MICAL2: variants seen among roughly 807,000 people sequenced by gnomAD.
MICAL2 encodes the protein [F-actin]-monooxygenase MICAL2.
MICAL2 carries 77 observed loss-of-function variants against 127.3 expected under a neutral mutation model. The ratio of observed to expected loss-of-function variants is 0.60; its 90% confidence interval spans 0.50 to 0.73. MICAL2 has a LOEUF of 0.73. Ranked by LOEUF, MICAL2 falls within the 30% of genes least tolerant of loss-of-function variation. MICAL2 has a pLI of 0.00. For synonymous variants in MICAL2, 570 were observed against 551.1 expected (o/e 1.03, Z -0.48); for missense variants, 1,351 against 1,434.4 (o/e 0.94, Z 0.94).
chr11:12,239,305 G>C, intron 16 of MICAL2, 131 bp from the exon 17 acceptor site: 2 of 1,274,706 alleles, frequency 1.6e-6, no homozygotes. Flanking sequence ...TGCTGCCTCT[G>C]CCTCCCTTCC....
At chr11:12,258,582 G>A (rs770111512) in intron 25 of MICAL2, 26 bp downstream of exon 25, 2 of 1,599,192 alleles carry the variant, frequency 1.3e-6, no homozygotes, top group East Asian at 2.2e-5. Context: ...ACATGCTGGT[G>A]AAACGGGGAA....
chr11:12,349,210 T>C (rs571728164), intron 32 of MICAL2, among the ~76,000 whole-genome samples: 3 of 152,364 alleles, frequency 2.0e-5, no homozygotes, highest in South Asian at 4.1e-4. Flanking sequence ...TTTCTCGTGA[T>C]TCTTCTTCTG....
intron 7 of MICAL2, 127 bp from the exon 8 acceptor site, chr11:12,216,092 A>T: frequency 1.4e-6 from 1 of 692,164 alleles, no homozygotes; most frequent in Non-Finnish European, 2.5e-6. Flanking sequence ...TGTGTGCCTT[A>T]AAAACTGGTC....
At chr11:12,274,567 C>A (rs144472420), upstream of MICAL2, 3,359 of 152,346 alleles carry the variant, frequency 0.022, 62 homozygotes, top group Middle Eastern at 0.037. Context: ...TGAAGACAGC[C>A]AGTGAGTGAA....
At chr11:12,178,459 G>A (rs1030296150) in intron 3 of MICAL2, among the ~76,000 whole-genome samples, 1 of 151,942 alleles carries the variant, frequency 6.6e-6, no homozygotes, top group Non-Finnish European at 1.5e-5. Context: ...ATACATGTAA[G>A]GTATGGGGGT....
intron 1 of MICAL2, among the ~76,000 whole-genome samples, chr11:12,132,594 GCTGC>G (rs1851511535): frequency 6.6e-6 from 1 of 152,246 alleles, no homozygotes; most frequent in Non-Finnish European, 1.5e-5. Flanking sequence ...ATAGCCATTA[GCTGC>G]CAGCTGGGCG....
chr11:12,221,794 C>T (rs748391400), intron 10 of MICAL2, 35 bp downstream of exon 10: 3 of 1,557,522 alleles, frequency 1.9e-6, no homozygotes, highest in South Asian at 2.2e-5. Flanking sequence ...AACTGGGGGG[C>T]AGGGCACTCA....
intron 32 of MICAL2, among the ~76,000 whole-genome samples, chr11:12,337,596 T>A (rs1938789354): frequency 6.6e-6 from 1 of 152,224 alleles, no homozygotes; most frequent in Non-Finnish European, 1.5e-5. Flanking sequence ...CATTTAGTGC[T>A]ATAAATTTCC....
At chr11:12,249,692 C>G (rs1565249619) in intron 22 of MICAL2, among the ~76,000 whole-genome samples, 1 of 152,238 alleles carries the variant, frequency 6.6e-6, no homozygotes, top group Non-Finnish European at 1.5e-5. Context: ...TCTGCTCTCA[C>G]TGCTGCCTTA....
At position 12,162,121 on chromosome 11, in the gene MICAL2, C is replaced by A. The variant is rs746225231; in HGVS notation, c.-35C>A. ...ATACTTCATGCTGTTCACCTGTGTC[C>A]TCGCCGCACCACTGCCGCACACGAC... On this transcript the variant is annotated 5_prime_UTR_variant, in exon 3 of 28. Coordinates refer to ENST00000683283, the MANE Select transcript of MICAL2 (RefSeq NM_001282663.2). 3 of 1,612,864 alleles carry A rather than the reference C, an allele frequency of 1.9e-6. No individual in the cohort carries two copies. Among genetic ancestry groups the A allele is most frequent in the South Asian group, 1.1e-5 (1 of 90,966 alleles).
At chr11:12,259,754 A>G (rs1251644130) in intron 25 of MICAL2, 41 bp from the exon 26 acceptor site, 5 of 1,495,926 alleles carry the variant, frequency 3.3e-6, no homozygotes, top group Non-Finnish European at 4.5e-6. Context: ...GTCCTCTGGA[A>G]GACTTACAGA....
At chr11:12,125,340 G>A (rs543667591) in intron 1 of MICAL2, among the ~76,000 whole-genome samples, 5 of 152,262 alleles carry the variant, frequency 3.3e-5, no homozygotes, top group East Asian at 3.9e-4. Context: ...TGCAACCTCC[G>A]CCTCCTGGGT....
chr11:12,167,318 T>C (rs1306345263), intron 3 of MICAL2, among the ~76,000 whole-genome samples: 5 of 152,184 alleles, frequency 3.3e-5, no homozygotes, highest in East Asian at 1.9e-4. Context: ...TTTATGAGTA[T>C]GCAGCAGGGT....
intron 3 of MICAL2, among the ~76,000 whole-genome samples, chr11:12,171,081 G>A (rs772596438): frequency 2.6e-5 from 4 of 152,162 alleles, no homozygotes; most frequent in South Asian, 2.1e-4. Context: ...GTTTGCATCC[G>A]AGCATTCCTT....
At chr11:12,148,206 C>T (rs1853161093) in intron 2 of MICAL2, among the ~76,000 whole-genome samples, 1 of 152,122 alleles carries the variant, frequency 6.6e-6, no homozygotes, top group South Asian at 2.1e-4. Context: ...CTGTGAAGCT[C>T]CTAGGGGGCA....
At chr11:12,223,554 A>T in intron 12 of MICAL2, 53 bp downstream of exon 12, 2 of 1,494,836 alleles carry the variant, frequency 1.3e-6, no homozygotes, top group Non-Finnish European at 1.9e-6. Context: ...CTTTGAGGGG[A>T]GGAGGACTGC....
chr11:12,180,343 G>GTATATA (rs1454157793), intron 3 of MICAL2, among the ~76,000 whole-genome samples: 100 of 146,740 alleles, frequency 6.8e-4, no homozygotes, highest in Non-Finnish European at 2.2e-4. Flanking sequence ...ATGTATATAT[G>GTATATA]TATATATTTT....
At chr11:12,157,697 TA>T (rs35448001) in intron 2 of MICAL2, among the ~76,000 whole-genome samples, 79,232 of 147,500 alleles carry the variant, frequency 0.54, 21,842 homozygotes, top group Middle Eastern at 0.76. Flanking sequence ...GATCCTCTGA[TA>T]AAAAAAAAAA....
upstream of MICAL2, among the ~76,000 whole-genome samples, chr11:12,272,749 T>C (rs906181588): frequency 6.6e-6 from 1 of 152,178 alleles, no homozygotes; most frequent in Non-Finnish European, 1.5e-5. Flanking sequence ...CTCCAGGCTA[T>C]AGCTTGGCTC....
Sources: gnomAD v4.1 joint callset for allele counts (sites outside exome capture counted in the v4.1 genomes callset) on GRCh38, gnomAD v4.1.1 for gene constraint, MANE v1.5 for transcripts, NCBI Gene and HGNC (gene_info 2026-07-23, HGNC 2026-07-21) for gene names.